KLHL5: variants seen among roughly 807,000 people sequenced by gnomAD.
KLHL5 encodes kelch like family member 5.
In KLHL5, 48 loss-of-function variants were observed where a neutral mutation model predicts 77.7. The ratio of observed to expected loss-of-function variants is 0.62; its 90% CI spans 0.49 to 0.79. KLHL5 has a LOEUF of 0.79. KLHL5 is among the 30% of genes least tolerant of loss of function. The pLI is 0.00. For synonymous variants in KLHL5, 260 were observed against 297.0 expected (o/e 0.88, Z 1.28); for missense variants, 723 against 859.7 (o/e 0.84, Z 1.99).
rs999071342 is a variant in KLHL5 at position 39,122,526 on chromosome 4, C to T, written c.*1460C>T. Among the ~76,000 whole-genome samples the T allele has an allele frequency of 2.0e-5, 3 of 152,084 alleles. No individual in the cohort carries two copies. Among genetic ancestry groups the T allele is most frequent in the Admixed American group, 1.3e-4 (2 of 15,272 alleles). ...TAGGTAGAAAAAGAAAGATTTCGGCCGGGCACAGTGGCTCACGCCTATAAT... is the reference window on the plus strand; with the variant it reads ...TAGGTAGAAAAAGAAAGATTTCGGCTGGGCACAGTGGCTCACGCCTATAAT... On this transcript the variant is annotated 3_prime_UTR_variant, in exon 11 of 11. Transcript: ENST00000504108.
In KLHL5 at chr4:39,125,136, G is replaced by A. The variant is rs1230037143; in HGVS notation, c.*4070G>A. On this transcript the variant is annotated 3_prime_UTR_variant, in exon 11 of 11. Coordinates refer to ENST00000504108, the MANE Select transcript of KLHL5 (RefSeq NM_015990.5). ...ACCACTTCACACCTATTAGAATGAC[G>A]AAATAGACCTAGGATCTAAACCTAC... 6.7e-6 allele frequency among the ~76,000 whole-genome samples: 1 copy of A among 150,198 alleles called. No homozygotes were observed. Among genetic ancestry groups the A allele is most frequent in the East Asian group, 1.9e-4 (1 of 5,130 alleles).
chr4:39,094,661 TAGAAC>T (rs71847282), intron 5 of KLHL5, among the ~76,000 whole-genome samples: 2,829 of 151,856 alleles, frequency 0.019, 93 homozygotes, highest in African/African-American at 0.064. Flanking sequence ...AATAGATCGA[TAGAAC>T]AGAATAAAGA....
intron 4 of KLHL5, among the ~76,000 whole-genome samples, chr4:39,082,911 A>AATGTTC (rs78367516): frequency 0.5 from 75,543 of 151,212 alleles, 19,132 homozygotes; most frequent in Admixed American, 0.57. Flanking sequence ...GTTTTTGAGG[A>AATGTTC]ATGTTGCCAC....
intron 1 of KLHL5, among the ~76,000 whole-genome samples, chr4:39,068,373 C>T (rs1253845358): frequency 6.6e-6 from 1 of 151,844 alleles, no homozygotes; most frequent in African/African-American, 2.4e-5. Context: ...CATATATGCC[C>T]ACATCTTATC....
In KLHL5 at chr4:39,125,951, GA is replaced by G. The variant is rs1187576393; in HGVS notation, c.*4888del. Among the ~76,000 whole-genome samples, 1 of 152,166 alleles carries G rather than the reference GA, an allele frequency of 6.6e-6. No homozygotes were observed. The highest frequency in any genetic ancestry group is 1.9e-4 in the East Asian group (1 of 5,200). On this transcript the variant is annotated 3_prime_UTR_variant, in exon 11 of 11. Transcript: ENST00000504108. ...TTCGGATTTATATGCATCTGGAAGA[GA>G]AATTTTTCACTGTAATTTGCAAATA...
chr4:39,060,155 G>A (rs1717292375), upstream of KLHL5, among the ~76,000 whole-genome samples: 4 of 151,992 alleles, frequency 2.6e-5, no homozygotes, highest in Admixed American at 2.6e-4. Flanking sequence ...TATAAAATTA[G>A]GTGAGAAGAG....
At position 39,065,177 on chromosome 4, in the gene KLHL5, T is replaced by G. The variant is rs964494605; in HGVS notation, c.383+2142T>G. ...TCTATTTTTTTCTAGATTAAATAGA[T>G]CTAATTTTTACATCTTCCTTCAACA... On this transcript the variant is annotated intron_variant, in intron 1 of 10. Coordinates refer to ENST00000504108, the MANE Select transcript of KLHL5 (RefSeq NM_015990.5). 3.6e-4 allele frequency among the ~76,000 whole-genome samples: 55 copies of G among 152,234 alleles called. 1 individual carries two copies. The highest frequency in any genetic ancestry group is 1.3e-3 in the African/African-American group (52 of 41,550).
rs1237025009 is a variant in KLHL5, at chr4:39,124,816, A to G, written c.*3750A>G. Among the ~76,000 whole-genome samples the G allele has an allele frequency of 6.7e-6, 1 of 148,654 alleles. No homozygotes were observed. Among genetic ancestry groups the G allele is most frequent in the Non-Finnish European group, 1.5e-5 (1 of 67,556 alleles). Reference sequence around the variant, plus strand: ...AGCAACAACAGCAAAAAAAAAAAAAAAAAAAAAAAATCAAAATTAAAAGCT... The same window carrying G: ...AGCAACAACAGCAAAAAAAAAAAAAGAAAAAAAAAATCAAAATTAAAAGCT... On this transcript the variant is annotated 3_prime_UTR_variant, in exon 11 of 11. Transcript: ENST00000504108.
intron 1 of KLHL5, among the ~76,000 whole-genome samples, chr4:39,053,602 G>A (rs1716810494): frequency 1.3e-5 from 2 of 152,064 alleles, no homozygotes; most frequent in Admixed American, 6.6e-5. Flanking sequence ...CTTGTGCACA[G>A]CAAATATGTG....
chr4:39,070,507 T>C (rs1718375647), intron 1 of KLHL5, among the ~76,000 whole-genome samples: 1 of 152,190 alleles, frequency 6.6e-6, no homozygotes, highest in African/African-American at 2.4e-5. Context: ...TCTGTACCTA[T>C]TGATGATTCT....
intron 5 of KLHL5, among the ~76,000 whole-genome samples, chr4:39,087,131 A>C (rs1212997544): frequency 6.6e-6 from 1 of 151,982 alleles, no homozygotes; most frequent in African/African-American, 2.4e-5. Context: ...GGCTGGTCTC[A>C]AACTCCTGAC....
In KLHL5 at chr4:39,122,816, A is replaced by T. The variant is rs184761310; in HGVS notation, c.*1750A>T. On this transcript the variant is annotated 3_prime_UTR_variant, in exon 11 of 11. Transcript: ENST00000504108. ...TGACAGAGCGAGACTCCATCAAAAA[A>T]AAATAAATAAAAAAAAAATAAAAGA... Among the ~76,000 whole-genome samples the T allele has an allele frequency of 0.01, 1,554 of 151,852 alleles. 28 individuals are homozygous for T. Among genetic ancestry groups the T allele is most frequent in the African/African-American group, 0.035 (1,432 of 41,330 alleles).
intron 1 of KLHL5, among the ~76,000 whole-genome samples, chr4:39,050,907 A>G (rs886228685): frequency 2.0e-5 from 3 of 152,224 alleles, no homozygotes; most frequent in Admixed American, 2.0e-4. Flanking sequence ...TGCCATCTCC[A>G]TTGTAATCCT....
chr4:39,085,246 A>G (rs1406604088), intron 4 of KLHL5, among the ~76,000 whole-genome samples: 3 of 152,194 alleles, frequency 2.0e-5, no homozygotes, highest in African/African-American at 7.2e-5. Context: ...ATCATGATAA[A>G]TTGAAGCAAT....
chr4:39,071,104 A>G (rs1316053013), intron 1 of KLHL5, among the ~76,000 whole-genome samples: 1 of 152,128 alleles, frequency 6.6e-6, no homozygotes, highest in Admixed American at 6.5e-5. Flanking sequence ...AATGGTGTCT[A>G]TATCTTTTAT....
intron 10 of KLHL5, 151 bp downstream of exon 10, chr4:39,115,481 A>T (rs1468216780): frequency 6.6e-7 from 1 of 1,507,934 alleles, no homozygotes; most frequent in African/African-American, 1.4e-5. Flanking sequence ...AAAAGAGGCA[A>T]TGTTTAATTT....
chr4:39,118,767 A>C (rs1723023615), intron 10 of KLHL5, among the ~76,000 whole-genome samples: 1 of 152,058 alleles, frequency 6.6e-6, no homozygotes, highest in African/African-American at 2.4e-5. Flanking sequence ...AAAAAAAAAA[A>C]GCAGACTGGT....
chr4:39,072,783 G>A (rs1234659563), intron 1 of KLHL5, among the ~76,000 whole-genome samples: 1 of 152,168 alleles, frequency 6.6e-6, no homozygotes, highest in Non-Finnish European at 1.5e-5. Flanking sequence ...TACCAGAGGT[G>A]CTTACCAGAG....
At chr4:39,055,310 T>C (rs751253723) in intron 1 of KLHL5, among the ~76,000 whole-genome samples, 3 of 152,252 alleles carry the variant, frequency 2.0e-5, no homozygotes, top group African/African-American at 4.8e-5. Flanking sequence ...AAGAAAGCGA[T>C]GCATTAATTT....
Sources: gnomAD v4.1 joint callset for allele counts (sites outside exome capture counted in the v4.1 genomes callset) on GRCh38, gnomAD v4.1.1 for gene constraint, MANE v1.5 for transcripts, NCBI Gene and HGNC (gene_info 2026-07-23, HGNC 2026-07-21) for gene names.